Variants in TTC28 observed in about 807,000 individuals in gnomAD.
The protein encoded by TTC28 is tetratricopeptide repeat domain 28.
In TTC28, 61 loss-of-function variants were observed where a neutral mutation model predicts 198.0. The ratio of observed to expected loss-of-function variants is 0.31; its 90% CI spans 0.25 to 0.38. TTC28 has a LOEUF of 0.38. TTC28 is among the 10% of genes least tolerant of loss of function. TTC28 has a pLI of 1.00. For missense variants in TTC28, 2,678 were observed against 3,164.0 expected, an observed-to-expected ratio of 0.85 and a Z score of 3.69; for synonymous variants, 1,171 against 1,297.8, an observed-to-expected ratio of 0.90 and a Z score of 2.10.
At chr22:28,376,439 A>T (rs1475716959) in intron 2 of TTC28, among the ~76,000 whole-genome samples, 1 of 152,236 alleles carries the variant, frequency 6.6e-6, no homozygotes, top group Non-Finnish European at 1.5e-5. Flanking sequence ...ACATAAGGAG[A>T]TTAAATAACT....
At chr22:28,295,141 T>C (rs938523984) in intron 5 of TTC28, among the ~76,000 whole-genome samples, 2 of 152,186 alleles carry the variant, frequency 1.3e-5, no homozygotes, top group Non-Finnish European at 2.9e-5. Flanking sequence ...GGCCCTTCAA[T>C]AGTCTGTTTT....
At chr22:28,319,781 G>A (rs2045414813) in intron 2 of TTC28, among the ~76,000 whole-genome samples, 1 of 152,150 alleles carries the variant, frequency 6.6e-6, no homozygotes, top group Non-Finnish European at 1.5e-5. Flanking sequence ...AATTTGAAGG[G>A]AAAAGAAAGA....
chr22:28,255,217 G>C (rs1233414019), intron 5 of TTC28, among the ~76,000 whole-genome samples: 2 of 152,006 alleles, frequency 1.3e-5, no homozygotes, highest in Non-Finnish European at 2.9e-5. Context: ...CCAAGAGGGA[G>C]TAGACACAAT....
chr22:28,324,869 A>T (rs1472094954), intron 2 of TTC28, among the ~76,000 whole-genome samples: 1 of 152,164 alleles, frequency 6.6e-6, no homozygotes, highest in Non-Finnish European at 1.5e-5. Context: ...TATTCAACAT[A>T]GTGTTGGAAG....
chr22:28,050,526 T>C (rs1041059123), intron 12 of TTC28, among the ~76,000 whole-genome samples: 1 of 152,204 alleles, frequency 6.6e-6, no homozygotes, highest in Non-Finnish European at 1.5e-5. Flanking sequence ...ATTACGTACA[T>C]GCTACATGTT....
At chr22:28,270,871 AAAAC>A (rs1008250787) in intron 5 of TTC28, among the ~76,000 whole-genome samples, 8 of 152,156 alleles carry the variant, frequency 5.3e-5, no homozygotes, top group African/African-American at 1.7e-4. Context: ...CTTGCCTCAA[AAAAC>A]AAACAAACAA....
intron 12 of TTC28, among the ~76,000 whole-genome samples, chr22:28,047,554 C>G (rs1177671802): frequency 1.3e-5 from 2 of 152,186 alleles, no homozygotes; most frequent in African/African-American, 2.4e-5. Flanking sequence ...CCACAAAAAG[C>G]AAGGTTCCAC....
intron 5 of TTC28, among the ~76,000 whole-genome samples, chr22:28,230,455 T>C (rs997942389): frequency 3.9e-5 from 6 of 152,186 alleles, no homozygotes; most frequent in Admixed American, 6.5e-5. Flanking sequence ...AACATAAGAC[T>C]GAGTCTTCAC....
intron 2 of TTC28, among the ~76,000 whole-genome samples, chr22:28,477,578 T>C (rs1032967257): frequency 6.6e-6 from 1 of 152,214 alleles, no homozygotes; most frequent in Non-Finnish European, 1.5e-5. Context: ...TTTATTTGGA[T>C]TCTGATTCAA....
intron 2 of TTC28, among the ~76,000 whole-genome samples, chr22:28,621,960 G>C (rs969944009): frequency 6.6e-6 from 1 of 152,120 alleles, no homozygotes; most frequent in Non-Finnish European, 1.5e-5. Flanking sequence ...ACTTCCAGTA[G>C]AGACTGGCTA....
intron 5 of TTC28, among the ~76,000 whole-genome samples, chr22:28,214,606 G>A (rs1927224855): frequency 6.6e-6 from 1 of 152,164 alleles, no homozygotes; most frequent in Non-Finnish European, 1.5e-5. Flanking sequence ...CAGTTAGAAT[G>A]GCAAACATTA....
intron 5 of TTC28, among the ~76,000 whole-genome samples, chr22:28,220,839 G>A (rs891814813): frequency 1.3e-5 from 2 of 152,120 alleles, no homozygotes; most frequent in African/African-American, 4.8e-5. Flanking sequence ...AGACATGCTG[G>A]AGCATGTAGT....
intron 5 of TTC28, among the ~76,000 whole-genome samples, chr22:28,178,049 A>G (rs1923335753): frequency 6.6e-6 from 1 of 152,182 alleles, no homozygotes; most frequent in South Asian, 2.1e-4. Flanking sequence ...ATAATGTACC[A>G]TACTAATGCA....
At chr22:28,196,863 T>C (rs557580033) in intron 5 of TTC28, among the ~76,000 whole-genome samples, 83 of 152,240 alleles carry the variant, frequency 5.5e-4, no homozygotes, top group African/African-American at 1.8e-3. Context: ...GTCAGTGTGG[T>C]GATTCCTCAG....
At chr22:28,402,477 C>T (rs939098429) in intron 2 of TTC28, among the ~76,000 whole-genome samples, 11 of 152,192 alleles carry the variant, frequency 7.2e-5, no homozygotes, top group African/African-American at 1.2e-4. Context: ...TTGATCATTA[C>T]GTGTCATTGG....
At chr22:28,373,876 G>GC (rs2046373016) in intron 2 of TTC28, among the ~76,000 whole-genome samples, 1 of 152,088 alleles carries the variant, frequency 6.6e-6, no homozygotes, top group Non-Finnish European at 1.5e-5. Context: ...GAAGAACGAA[G>GC]CCATTTTCAA....
intron 2 of TTC28, 24 bp from the exon 3 acceptor site, chr22:28,306,667 T>C (rs1431570776): frequency 1.3e-6 from 2 of 1,550,192 alleles, no homozygotes; most frequent in Admixed American, 2.0e-5. Context: ...ATATATAAGA[T>C]ATATAATGCC....
chr22:28,032,248 A>AT (rs1209999776), intron 12 of TTC28, among the ~76,000 whole-genome samples: 13 of 92,566 alleles, frequency 1.4e-4, no homozygotes, highest in Middle Eastern at 4.9e-3. Flanking sequence ...ATATATATAT[A>AT]AAATATATAT....
chr22:28,210,963 G>A (rs997123717), intron 5 of TTC28, among the ~76,000 whole-genome samples: 6 of 152,194 alleles, frequency 3.9e-5, no homozygotes, highest in Non-Finnish European at 7.3e-5. Context: ...CAAGCCAGAA[G>A]AGAGTGAGGG....
Sources: allele counts gnomAD v4.1 joint callset (sites outside exome capture counted in the v4.1 genomes callset), GRCh38; gene constraint gnomAD v4.1.1; transcripts MANE v1.5; gene names NCBI Gene and HGNC (gene_info 2026-07-23, HGNC 2026-07-21).